Variants in EDEM1 observed in about 807,000 individuals in gnomAD.
EDEM1 encodes ER degradation-enhancing alpha-mannosidase-like protein 1.
Under a neutral mutation model 74.4 loss-of-function variants are expected in EDEM1, and 67 were observed. That is an observed-to-expected ratio of 0.90 (90% CI 0.74 to 1.10). The LOEUF is 1.10. EDEM1 is among the 50% of genes least tolerant of loss of function. The pLI, the probability that EDEM1 is intolerant of heterozygous loss-of-function variation, is 0.00. For missense variants in EDEM1, 926 were observed against 851.6 expected (o/e 1.09, Z -1.09); for synonymous variants, 382 against 335.9 (o/e 1.14, Z -1.50).
chr3:5,203,170 A>G lies in EDEM1; in HGVS notation c.1042+21A>G, dbSNP rs139164513. The G allele has an allele frequency of 1.5e-4, 228 of 1,538,568 alleles. 1 individual carries two copies. The African/African-American group carries it at 1.8e-3, about 12-fold the overall frequency. On this transcript the variant is annotated intron_variant, in intron 5 of 11. Transcript: ENST00000256497. Reference sequence around the variant, plus strand: ...ACTAGGTGTGGCACCTTTCCTCGCCATTGGGACTGCACACTGCTTGGTCCC... The same window carrying G: ...ACTAGGTGTGGCACCTTTCCTCGCCGTTGGGACTGCACACTGCTTGGTCCC...
chr3:5,194,927 A>G (rs975865422), intron 1 of EDEM1, among the ~76,000 whole-genome samples: 3 of 152,202 alleles, frequency 2.0e-5, no homozygotes, highest in African/African-American at 4.8e-5. Context: ...ATAAACCTGA[A>G]TCTCAGAGAG....
At chr3:5,188,677 A>C (rs1261185087) in intron 1 of EDEM1, among the ~76,000 whole-genome samples, 1 of 152,212 alleles carries the variant, frequency 6.6e-6, no homozygotes, top group African/African-American at 2.4e-5. Flanking sequence ...CCGGATGAGC[A>C]TAAACTCTAA....
rs143532372 is a variant in EDEM1, at chr3:5,200,316, T to C, written c.686+621T>C. On this transcript the variant is annotated intron_variant, in intron 3 of 11. Transcript: ENST00000256497. ...TTCCCTTTATAGTCTGATTTCATTT[T>C]CTTCTTTCACCGTGTCCTAGGACAA... Among the ~76,000 whole-genome samples the C allele has an allele frequency of 1.4e-3, 206 of 152,362 alleles. 1 individual carries two copies. The highest frequency in any genetic ancestry group is 4.8e-3 in the African/African-American group (201 of 41,578).
At chr3:5,208,011 A>AG (rs1205287475) in intron 7 of EDEM1, 82 bp from the exon 8 acceptor site, 5 of 1,466,968 alleles carry the variant, frequency 3.4e-6, no homozygotes, top group Non-Finnish European at 4.5e-6. Context: ...GGGGCAGAGG[A>AG]GAGCCCAGGC....
intron 2 of EDEM1, among the ~76,000 whole-genome samples, chr3:5,198,296 G>A (rs1303514416): frequency 5.3e-5 from 8 of 152,142 alleles, no homozygotes; most frequent in Non-Finnish European, 7.3e-5. Flanking sequence ...TGATCCGCTC[G>A]CTTTGGCCTC....
At chr3:5,213,774 G>C (rs180927705) in intron 11 of EDEM1, among the ~76,000 whole-genome samples, 1 of 152,268 alleles carries the variant, frequency 6.6e-6, no homozygotes, top group Admixed American at 6.5e-5. Flanking sequence ...GAAGGGGGGA[G>C]CCTTGTGGGA....
chr3:5,211,689 T>TAG (rs530207125), intron 10 of EDEM1, among the ~76,000 whole-genome samples: 1 of 144,672 alleles, frequency 6.9e-6, no homozygotes, highest in Non-Finnish European at 1.5e-5. Flanking sequence ...TGTGTGTGTG[T>TAG]AGAGAGAGAG....
In EDEM1 at chr3:5,199,144, T is replaced by C. The variant is rs539612016; in HGVS notation, c.583-448T>C. Reference sequence around the variant, plus strand: ...CAACAAGTTCATTCAGTTTTCCACATGTTTTGGTCTCCTGGGAGCCAAGCA... The same window carrying C: ...CAACAAGTTCATTCAGTTTTCCACACGTTTTGGTCTCCTGGGAGCCAAGCA... On this transcript the variant is annotated intron_variant, in intron 2 of 11. Transcript: ENST00000256497. Among the ~76,000 whole-genome samples the C allele has an allele frequency of 5.3e-4, 81 of 152,352 alleles. No individual in the cohort carries two copies. In the South Asian group the frequency reaches 0.011, roughly 20 times the overall value.
chr3:5,191,653 T>G (rs537516545), intron 1 of EDEM1, among the ~76,000 whole-genome samples: 3 of 152,188 alleles, frequency 2.0e-5, no homozygotes, highest in South Asian at 4.1e-4. Context: ...TAAACACTCT[T>G]ACCGTTTCTC....
chr3:5,213,216 G>A, intron 10 of EDEM1, 103 bp from the exon 11 acceptor site: 1 of 1,167,516 alleles, frequency 8.6e-7, no homozygotes, highest in Non-Finnish European at 1.2e-6. Context: ...GAAGCATGAG[G>A]CCCAAGCAAA....
Position 5,195,280 on chromosome 3 carries a change from C to G in EDEM1, c.581C>G (p.Ala194Gly). The change falls in exon 2 of 12, where the codon GCA becomes GGA. Residue 194 changes from alanine to glycine, a missense_variant and splice_region_variant. By Grantham distance (60) the Ala-to-Gly change is moderately conservative. Transcript: ENST00000256497. ...LTLVDALDTL[A>G]IMGNSSEFQK... is the part of the protein sequence containing the mutation. ...CTTGTTGATGCATTGGATACACTTGCAGTAAGTGTTCACCTTTTTTTAAAA... is the reference window on the plus strand; with the variant it reads ...CTTGTTGATGCATTGGATACACTTGGAGTAAGTGTTCACCTTTTTTTAAAA... The G allele has an allele frequency of 6.5e-7, 1 of 1,544,732 alleles. No homozygotes were observed.
chr3:5,192,080 G>T (rs956847471), intron 1 of EDEM1, among the ~76,000 whole-genome samples: 3 of 152,154 alleles, frequency 2.0e-5, no homozygotes, highest in Admixed American at 1.3e-4. Flanking sequence ...GGAAAGTCCT[G>T]CCCTCTTTCA....
At chr3:5,189,313 T>C (rs2054871515) in intron 1 of EDEM1, 1 of 152,200 alleles carries the variant, frequency 6.6e-6, no homozygotes, top group East Asian at 1.9e-4. Flanking sequence ...TGGAGTCCAG[T>C]CCTTAGGTTC....
At chr3:5,188,354 C>G in intron 1 of EDEM1, 40 bp downstream of exon 1, 1 of 1,375,820 alleles carries the variant, frequency 7.3e-7, no homozygotes. Flanking sequence ...CGCCCACGCG[C>G]TTCCTTCCGC....
intron 4 of EDEM1, 59 bp downstream of exon 4, chr3:5,201,983 T>A (rs2055040487): frequency 2.6e-6 from 4 of 1,546,606 alleles, no homozygotes; most frequent in Non-Finnish European, 3.5e-6. Flanking sequence ...TGAATTAAAA[T>A]TCTTTGCTTA....
At position 5,188,306 on chromosome 3, in the gene EDEM1, C is replaced by T. The variant is rs201295523; in HGVS notation, c.501C>T (p.Arg167=). 510 of 1,515,512 alleles carry T rather than the reference C, an allele frequency of 3.4e-4. 2 individuals carry two copies. In the African/African-American group the frequency reaches 6.3e-3, roughly 19 times the overall value. 93.9% of individuals were successfully genotyped at this position (1,515,512 alleles called of 1,614,324 possible). The stretch of plus-strand genomic sequence containing the variant: ...ACTGCCGCGGCCGTGGGCCCGACCG[C>T]GGGGACCCGTGAGTAGCCCCCGCCG... The part of the protein sequence containing the change: ...PIHCRGRGPD[R]GDPSNLNIND... The change falls in exon 1 of 12, where the codon CGC becomes CGT. Residue 167 remains arginine, a synonymous_variant. Transcript: ENST00000256497.
At chr3:5,215,513 T>C (rs955931110) in intron 11 of EDEM1, among the ~76,000 whole-genome samples, 2 of 152,210 alleles carry the variant, frequency 1.3e-5, no homozygotes, top group Non-Finnish European at 2.9e-5. Context: ...GCCATTTCTT[T>C]ATAAAGTGAG....
At position 5,187,832 on chromosome 3, in the gene EDEM1, G is replaced by A; in HGVS notation, c.27G>A (p.Gly9=). MQWRALVL[G]LVLLRLGLHG... is the part of the protein sequence containing the mutation. Reference sequence around the variant, plus strand: ...TGCAATGGCGAGCGCTCGTCCTGGGGCTGGTGCTCCTCCGGCTTGGCCTCC... The same window carrying A: ...TGCAATGGCGAGCGCTCGTCCTGGGACTGGTGCTCCTCCGGCTTGGCCTCC... Residue 9 remains glycine (G), a synonymous_variant, in exon 1 of 12, where the codon GGG becomes GGA. Coordinates refer to ENST00000256497, the MANE Select transcript of EDEM1 (RefSeq NM_014674.3). 1 of 1,590,086 alleles carries A rather than the reference G, an allele frequency of 6.3e-7. No individual in the cohort carries two copies. The highest frequency in any genetic ancestry group is 8.5e-7 in the Non-Finnish European group (1 of 1,169,828).
chr3:5,193,070 C>A (rs1008607394), intron 1 of EDEM1, among the ~76,000 whole-genome samples: 2 of 152,058 alleles, frequency 1.3e-5, no homozygotes, highest in African/African-American at 4.8e-5. Flanking sequence ...ACAGTGAGTA[C>A]CTTCCTTCCA....
Sources: allele counts gnomAD v4.1 joint callset (sites outside exome capture counted in the v4.1 genomes callset), GRCh38; gene constraint gnomAD v4.1.1; transcripts MANE v1.5; gene names NCBI Gene and HGNC (gene_info 2026-07-23, HGNC 2026-07-21).